PLTP: variants seen among roughly 807,000 people sequenced by gnomAD.
The protein encoded by PLTP is phospholipid transfer protein.
In PLTP, 43 loss-of-function variants were observed where a neutral mutation model predicts 54.1. That is an observed-to-expected ratio of 0.79 (90% CI 0.62 to 1.02). The LOEUF (loss-of-function observed/expected upper bound fraction) is 1.02. Among genes scored for constraint, PLTP ranks in the 50% least tolerant of loss-of-function variants. The pLI is 0.00. For synonymous variants in PLTP, 263 were observed against 264.6 expected, an observed-to-expected ratio of 0.99 and a Z score of 0.06; for missense variants, 604 against 645.9, an observed-to-expected ratio of 0.94 and a Z score of 0.70.
intron 10 of PLTP, among the ~76,000 whole-genome samples, chr20:45,903,445 G>A (rs2083206097): frequency 6.6e-6 from 1 of 152,106 alleles, no homozygotes; most frequent in Admixed American, 6.6e-5. Context: ...GCCCATGCTG[G>A]TCTCAAACTC....
At position 45,906,343 on chromosome 20, in the gene PLTP, G is replaced by C. The variant is rs747026724; in HGVS notation, c.630C>G (p.Asp210Glu). 1 of 1,613,696 alleles carries C rather than the reference G, an allele frequency of 6.2e-7. No individual in the cohort carries two copies. Residue 210 changes from aspartate to glutamate, a missense_variant, in exon 8 of 16, where the codon GAC (aspartate) becomes GAG (glutamate). Transcript: ENST00000372431. Reference protein sequence around the residue: ...LDTVPVRSSVDELVGIDYSLM... With the variant: ...LDTVPVRSSVEELVGIDYSLM... The stretch of plus-strand genomic sequence containing the variant: ...GGGAATAGTCAATGCCAACAAGCTC[G>C]TCCACAGAACTGCGCACTGCAGGAA...
chr20:45,906,503 G>A (rs1407349979), intron 7 of PLTP, 144 bp from the exon 8 acceptor site: 1 of 713,656 alleles, frequency 1.4e-6, no homozygotes, highest in Non-Finnish European at 2.6e-6. Context: ...TATGTGGAAA[G>A]CACTTAGGGC....
chr20:45,909,427 G>T, intron 5 of PLTP, 89 bp downstream of exon 5: 1 of 1,460,098 alleles, frequency 6.8e-7, no homozygotes, highest in Non-Finnish European at 9.5e-7. Flanking sequence ...CAGTTGGTCT[G>T]ATTCCCAGGC....
chr20:45,906,096 TGCCAGACCCAGGAG>T (rs1162777991), intron 8 of PLTP, among the ~76,000 whole-genome samples, 158 bp downstream of exon 8: 1 of 152,144 alleles, frequency 6.6e-6, no homozygotes, highest in Non-Finnish European at 1.5e-5. Flanking sequence ...GGGGCTCAAA[TGCCAGACCCAGGAG>T]GCTGAACCTA....
rs750855229 is a variant in PLTP, at chr20:45,911,162, T to A, written c.190A>T (p.Asn64Tyr). 3.7e-6 allele frequency: 6 copies of A among 1,613,456 alleles called. No homozygotes were observed. The highest frequency in any genetic ancestry group is 4.2e-6 in the Non-Finnish European group (5 of 1,179,382). ...CCGCCCCCCACTTACTCAGAGATGTTGTAGTAGAAGTGGCCTTCTTTGCCC... is the reference window on the plus strand; with the variant it reads ...CCGCCCCCCACTTACTCAGAGATGTAGTAGTAGAAGTGGCCTTCTTTGCCC... ...LRGKEGHFYY[N>Y]ISEVKVTELQ... Residue 64 changes from asparagine (N) to tyrosine (Y), a missense_variant, in exon 3 of 16, where the codon AAC becomes TAC. Physicochemically the swap from Asn to Tyr is moderately radical, Grantham distance 143. Coordinates refer to ENST00000372431, the MANE Select transcript of PLTP (RefSeq NM_006227.4).
At chr20:45,899,811 A>ACCC in intron 13 of PLTP, 25 bp downstream of exon 13, 1 of 211,056 alleles carries the variant, frequency 4.7e-6, no homozygotes. Flanking sequence ...AACCCAGCCC[A>ACCC]GCCCACCCAC....
At chr20:45,910,779 A>C in intron 3 of PLTP, 2 of 1,111,948 alleles carry the variant, frequency 1.8e-6, no homozygotes, top group South Asian at 3.4e-5. Flanking sequence ...CCTAAACCAT[A>C]CTTAGAGCCT....
chr20:45,899,723 G>A (rs1249153672), intron 13 of PLTP, 38 bp from the exon 14 acceptor site: 1 of 1,613,462 alleles, frequency 6.2e-7, no homozygotes, highest in South Asian at 1.1e-5. Context: ...CAGTGAGTCA[G>A]GGTTGGGTTT....
intron 10 of PLTP, among the ~76,000 whole-genome samples, chr20:45,904,559 T>G (rs1406482150): frequency 6.6e-6 from 1 of 152,242 alleles, no homozygotes; most frequent in Non-Finnish European, 1.5e-5. Flanking sequence ...GCCCTCACAC[T>G]TGCAAAGCTT....
intron 10 of PLTP, among the ~76,000 whole-genome samples, chr20:45,903,979 G>A (rs770514278): frequency 6.6e-5 from 10 of 152,170 alleles, no homozygotes; most frequent in African/African-American, 7.2e-5. Flanking sequence ...GAGTATAGGC[G>A]TGAGCCATCA....
intron 10 of PLTP, 87 bp downstream of exon 10, chr20:45,904,713 G>T (rs531104451): frequency 2.5e-6 from 3 of 1,221,200 alleles, no homozygotes; most frequent in Admixed American, 3.4e-5. Flanking sequence ...CCCTGTCTGC[G>T]TGGCTGCCAC....
chr20:45,911,740 G>A (rs1329315702), intron 1 of PLTP: 1 of 531,358 alleles, frequency 1.9e-6, no homozygotes, highest in East Asian at 3.4e-5. Flanking sequence ...TGGACCTCCA[G>A]GGGACCAGCC....
rs1164999615 is a variant in PLTP at position 45,904,865 on chromosome 20, C to T, written c.883-6G>A. On this transcript the variant is annotated splice_region_variant and splice_polypyrimidine_tract_variant and intron_variant, in intron 9 of 15. Coordinates refer to ENST00000372431, the MANE Select transcript of PLTP (RefSeq NM_006227.4). The stretch of plus-strand genomic sequence containing the variant: ...ATGTCCAGGTCGTGGGGCACCTGAA[C>T]AGGGGAATCAGGAGTGAGGGAGTGA... The T allele has an allele frequency of 3.1e-6, 5 of 1,614,100 alleles. No individual in the cohort carries two copies. The highest frequency in any genetic ancestry group is 1.6e-4 in the Middle Eastern group (1 of 6,084).
At position 45,898,909 on chromosome 20, in the gene PLTP, G is replaced by C; in HGVS notation, c.*32C>G. On this transcript the variant is annotated 3_prime_UTR_variant, in exon 16 of 16. Transcript: ENST00000372431. The surrounding 1 kb of genome is among the most constrained non-coding windows in gnomAD (Gnocchi z 4.6). ...AGGGGCTGAGAGGGGTTGGGGTCCT[G>C]AATGACAGCTGCCAGCTTGGGGATT... 1 of 1,611,352 alleles carries C rather than the reference G, an allele frequency of 6.2e-7. No individual in the cohort carries two copies.
Position 45,898,894 on chromosome 20 carries a change from A to T in PLTP, c.*47T>A. 6.2e-7 allele frequency: 1 copy of T among 1,604,400 alleles called. No homozygotes were observed. Among genetic ancestry groups the T allele is most frequent in the South Asian group, 1.1e-5 (1 of 90,362 alleles). On this transcript the variant is annotated 3_prime_UTR_variant, in exon 16 of 16. Transcript: ENST00000372431. This position sits in a 1 kb window ranked among gnomAD's most constrained non-coding sequence, Gnocchi z 4.6. ...TGAATGTGGGAAAAGAGGGGCTGAG[A>T]GGGGTTGGGGTCCTGAATGACAGCT...
rs759561571 is a variant in PLTP, at chr20:45,904,993, C to A, written c.831G>T (p.Met277Ile). 2 of 1,614,150 alleles carry A rather than the reference C, an allele frequency of 1.2e-6. No individual in the cohort carries two copies. The highest frequency in any genetic ancestry group is 1.7e-6 in the Non-Finnish European group (2 of 1,180,056). The change falls in exon 9 of 16, where the codon ATG becomes ATT. Residue 277 changes from methionine to isoleucine, a missense_variant. By Grantham distance (10) the Met-to-Ile change is conservative. Coordinates refer to ENST00000372431, the MANE Select transcript of PLTP (RefSeq NM_006227.4). The stretch of plus-strand genomic sequence containing the variant: ...GGGCCCCCGCCCGGAAGTAGCTCTC[C>A]ATGGCAGAGTCGAAGAAGAACTCAG... ...AFSEFFFDSAMESYFRAGALQ... is the reference protein window; with the variant it reads ...AFSEFFFDSAIESYFRAGALQ...
intron 5 of PLTP, 147 bp downstream of exon 5, chr20:45,909,369 T>G: frequency 1.3e-6 from 1 of 769,212 alleles, no homozygotes. Flanking sequence ...CTTCAGTGAC[T>G]TGGCCACGTT....
intron 3 of PLTP, chr20:45,910,853 G>A (rs441346): frequency 1.5e-6 from 2 of 1,292,008 alleles, no homozygotes; most frequent in Non-Finnish European, 2.0e-6. Flanking sequence ...CATCTATTGG[G>A]AAGTTCCTTG....
intron 10 of PLTP, among the ~76,000 whole-genome samples, chr20:45,903,412 T>C: frequency 6.6e-6 from 1 of 152,230 alleles, no homozygotes; most frequent in Non-Finnish European, 1.5e-5. Flanking sequence ...TGTGTTTTCG[T>C]AGAGACGGGG....
Sources: gnomAD v4.1 joint callset for allele counts (sites outside exome capture counted in the v4.1 genomes callset) on GRCh38, gnomAD v4.1.1 for gene constraint, Gnocchi (gnomAD v3.1) non-coding constraint, MANE v1.5 for transcripts, NCBI Gene and HGNC (gene_info 2026-07-23, HGNC 2026-07-21) for gene names.